The following CLEC2D variants were observed in gnomAD, a reference collection of about 807,000 sequenced individuals.
CLEC2D encodes the protein C-type lectin domain family 2 member D.
A neutral mutation model predicts 20.0 loss-of-function variants in CLEC2D; 16 were observed. The observed-to-expected ratio is 0.80, with a 90% CI of 0.54 to 1.22. CLEC2D has a LOEUF of 1.22. CLEC2D is among the 50% of genes most tolerant of loss of function. The probability of loss-of-function intolerance (pLI) is 0.00; values close to 1 mark genes in which losing one functional copy is unlikely to be tolerated. For missense variants in CLEC2D, 207 were observed against 221.5 expected (o/e 0.93, Z 0.42); for synonymous variants, 77 against 71.1 (o/e 1.08, Z -0.42).
At chr12:9,671,542 T>A (rs12582584) in intron 1 of CLEC2D, among the ~76,000 whole-genome samples, 2 of 152,086 alleles carry the variant, frequency 1.3e-5, no homozygotes, top group Admixed American at 1.3e-4. Context: ...TTCTCAAGGT[T>A]TTGGCTATTG....
chr12:9,697,011 AACAC>A lies in CLEC2D; in HGVS notation c.*2143_*2146del, dbSNP rs941464394. 5.0e-5 allele frequency: 7 copies of A among 140,934 alleles called. No individual in the cohort carries two copies. Among genetic ancestry groups the A allele is most frequent in the South Asian group, 2.3e-4 (1 of 4,368 alleles). 8.7% of individuals were successfully genotyped at this position (140,934 alleles called of 1,614,324 possible). ...GATAAAGAAATTGTCATATATATAA[AACAC>A]ACACATTATATACATACATACATAT... On this transcript the variant is annotated 3_prime_UTR_variant, in exon 5 of 5. Coordinates refer to ENST00000290855, the MANE Select transcript of CLEC2D (RefSeq NM_013269.6).
At chr12:9,688,501 T>C (rs1865801411) in intron 3 of CLEC2D, among the ~76,000 whole-genome samples, 2 of 152,154 alleles carry the variant, frequency 1.3e-5, no homozygotes, top group Non-Finnish European at 2.9e-5. Flanking sequence ...GTGTATCACT[T>C]GAGGTCAGGA....
intron 1 of CLEC2D, among the ~76,000 whole-genome samples, chr12:9,677,789 A>T (rs188317094): frequency 6.8e-6 from 1 of 148,094 alleles, no homozygotes; most frequent in Non-Finnish European, 1.5e-5. Context: ...CAGTAATGCA[A>T]TCTCATCTCA....
At chr12:9,677,384 C>T (rs990976566) in intron 1 of CLEC2D, among the ~76,000 whole-genome samples, 6 of 151,866 alleles carry the variant, frequency 4.0e-5, no homozygotes, top group African/African-American at 1.5e-4. Context: ...TGTTTAGAAA[C>T]GTATTGTTTA....
rs762420357 is a variant in CLEC2D at position 9,694,995 on chromosome 12, C to T, written c.*121C>T. The T allele has an allele frequency of 4.8e-6, 3 of 622,374 alleles. No homozygotes were observed. The highest frequency in any genetic ancestry group is 1.9e-5 in the South Asian group (1 of 52,608). 38.6% of individuals were successfully genotyped at this position (622,374 alleles called of 1,614,324 possible). On this transcript the variant is annotated 3_prime_UTR_variant, in exon 5 of 5. Coordinates refer to ENST00000290855, the MANE Select transcript of CLEC2D (RefSeq NM_013269.6). Reference sequence around the variant, plus strand: ...GTATATGAAAATATGCTCAATATCACTAATAACTGGGAAAATACAAATCAA... The same window carrying T: ...GTATATGAAAATATGCTCAATATCATTAATAACTGGGAAAATACAAATCAA...
intron 1 of CLEC2D, among the ~76,000 whole-genome samples, chr12:9,675,486 G>A (rs973257056): frequency 6.6e-5 from 10 of 152,262 alleles, no homozygotes; most frequent in Admixed American, 1.3e-4. Context: ...GAGCCACCGC[G>A]CCCAGCCTTA....
In CLEC2D at chr12:9,695,877, TGATG is replaced by T. The variant is rs1180664868; in HGVS notation, c.*1004_*1007del. Reference sequence around the variant, plus strand: ...CTGCTGATGATGATGATGATGAAGATGATGATGATGATGATGACGAGGAAGCTGA... The same window carrying T: ...CTGCTGATGATGATGATGATGAAGATATGATGATGATGACGAGGAAGCTGA... On this transcript the variant is annotated 3_prime_UTR_variant, in exon 5 of 5. Coordinates refer to ENST00000290855, the MANE Select transcript of CLEC2D (RefSeq NM_013269.6). 13 of 902,014 alleles carry T rather than the reference TGATG, an allele frequency of 1.4e-5. No homozygotes were observed. Among genetic ancestry groups the T allele is most frequent in the Admixed American group, 9.6e-5 (5 of 52,282 alleles). The allele number at this position is 902,014 out of a possible 1,614,324, so 55.9% of individuals were successfully genotyped here.
At chr12:9,674,998 T>C (rs987979844) in intron 1 of CLEC2D, among the ~76,000 whole-genome samples, 2 of 152,142 alleles carry the variant, frequency 1.3e-5, no homozygotes, top group South Asian at 2.1e-4. Context: ...AAATGTAAAA[T>C]CTGGGCCTAG....
intron 4 of CLEC2D, 134 bp downstream of exon 4, chr12:9,693,065 T>C: frequency 3.1e-6 from 5 of 1,613,932 alleles, no homozygotes; most frequent in Non-Finnish European, 4.2e-6. Context: ...TGCCAACTTG[T>C]ATGTTGCAAA....
In CLEC2D at chr12:9,687,450, G is replaced by A. The variant is rs924960894; in HGVS notation, c.173-452G>A. Among the ~76,000 whole-genome samples, 35 of 152,204 alleles carry A rather than the reference G, an allele frequency of 2.3e-4. 1 individual carries two copies. The highest frequency in any genetic ancestry group is 7.0e-4 in the African/African-American group (29 of 41,444). On this transcript the variant is annotated intron_variant, in intron 2 of 4. Coordinates refer to ENST00000290855, the MANE Select transcript of CLEC2D (RefSeq NM_013269.6). ...ATGAAGCTTCACTTACTCATTCGCT[G>A]CTTACCTCCTGCTGTGCAGCCTGCT...
At chr12:9,693,700 T>A (rs987630966) in intron 4 of CLEC2D, 4 of 374,896 alleles carry the variant, frequency 1.1e-5, no homozygotes, top group African/African-American at 8.7e-5. Context: ...CTACACTGCC[T>A]TGCACATTGT....
chr12:9,674,150 C>T (rs11524523), intron 1 of CLEC2D: 9,019 of 152,334 alleles, frequency 0.059, 319 homozygotes, highest in Non-Finnish European at 0.084. Context: ...GTAAAAACTC[C>T]TGCAGCTCAG....
chr12:9,695,413 C>T lies in CLEC2D; in HGVS notation c.*539C>T. ...AAGATTCGATGGACATGGACATGAGCCCCCTGAGGCCCCAGAACTATCTTT... is the reference window on the plus strand; with the variant it reads ...AAGATTCGATGGACATGGACATGAGTCCCCTGAGGCCCCAGAACTATCTTT... On this transcript the variant is annotated 3_prime_UTR_variant, in exon 5 of 5. Coordinates refer to ENST00000290855, the MANE Select transcript of CLEC2D (RefSeq NM_013269.6). 1 of 1,479,850 alleles carries T rather than the reference C, an allele frequency of 6.8e-7. No homozygotes were observed. The highest frequency in any genetic ancestry group is 1.1e-5 in the South Asian group (1 of 88,924). The allele number at this position is 1,479,850 out of a possible 1,614,324, so 91.7% of individuals were successfully genotyped here.
intron 1 of CLEC2D, among the ~76,000 whole-genome samples, chr12:9,671,810 C>T (rs1865431073): frequency 6.6e-6 from 1 of 152,126 alleles, no homozygotes. Context: ...AATTTAAATT[C>T]ACCACTGGTT....
intron 2 of CLEC2D, among the ~76,000 whole-genome samples, chr12:9,685,514 C>T (rs1380295114): frequency 1.3e-5 from 2 of 152,228 alleles, no homozygotes; most frequent in Non-Finnish European, 2.9e-5. Context: ...GGGGCTGCTG[C>T]CTTTCTTTCA....
Position 9,695,978 on chromosome 12 carries a change from G to T in CLEC2D, c.*1104G>T. ...AATGCACAAAAGTCAAATCAGAATGGAAAAGACTCAAAACCATCATCAACA... is the reference window on the plus strand; with the variant it reads ...AATGCACAAAAGTCAAATCAGAATGTAAAAGACTCAAAACCATCATCAACA... On this transcript the variant is annotated 3_prime_UTR_variant, in exon 5 of 5. Coordinates refer to ENST00000290855, the MANE Select transcript of CLEC2D (RefSeq NM_013269.6). 5.1e-6 allele frequency: 8 copies of T among 1,564,420 alleles called. No homozygotes were observed. Among genetic ancestry groups the T allele is most frequent in the Non-Finnish European group, 6.1e-6 (7 of 1,150,690 alleles).
rs1319272826 is a variant in CLEC2D, at chr12:9,697,819, C to T, written c.*2945C>T. 6.6e-6 allele frequency: 1 copy of T among 151,952 alleles called. No homozygotes were observed. Among genetic ancestry groups the T allele is most frequent in the East Asian group, 1.9e-4 (1 of 5,194 alleles). The allele number at this position is 151,952 out of a possible 1,614,324, so 9.4% of individuals were successfully genotyped here. ...GTCAAAAGATACAGAGTTGCAGTTA[C>T]AAAGGGTGAGTATGTCTAGATATCT... On this transcript the variant is annotated 3_prime_UTR_variant, in exon 5 of 5. Transcript: ENST00000290855.
intron 1 of CLEC2D, among the ~76,000 whole-genome samples, chr12:9,674,790 C>T (rs1865489780): frequency 6.6e-6 from 1 of 152,094 alleles, no homozygotes; most frequent in African/African-American, 2.4e-5. Flanking sequence ...ATGTCTTTTG[C>T]AGGTTGAAAG....
intron 4 of CLEC2D, 170 bp downstream of exon 4, chr12:9,693,101 C>T (rs1156314743): frequency 6.2e-7 from 1 of 1,612,846 alleles, no homozygotes. Flanking sequence ...TCGAATGAAT[C>T]CAAGACCTGT....
Sources: allele counts gnomAD v4.1 joint callset (sites outside exome capture counted in the v4.1 genomes callset), GRCh38; gene constraint gnomAD v4.1.1; transcripts MANE v1.5; gene names NCBI Gene and HGNC (gene_info 2026-07-23, HGNC 2026-07-21).